KLHL32: variants seen among roughly 807,000 people sequenced by gnomAD.
KLHL32 encodes kelch-like protein 32.
A neutral mutation model predicts 64.8 loss-of-function variants in KLHL32; 35 were observed. The observed-to-expected ratio is 0.54, with a 90% CI of 0.41 to 0.72. KLHL32 has a LOEUF of 0.72. Among genes scored for constraint, KLHL32 ranks in the 30% least tolerant of loss-of-function variants. KLHL32 has a pLI of 0.00. For synonymous variants in KLHL32, 259 were observed against 281.0 expected, an observed-to-expected ratio of 0.92 and a Z score of 0.78; for missense variants, 589 against 768.5, an observed-to-expected ratio of 0.77 and a Z score of 2.76.
Position 97,127,423 on chromosome 6 carries a change from A to G in KLHL32, c.1374A>G (p.Ala458=), listed in dbSNP as rs1798987965. ...TTACAGGTGGAGTAACTAATACGGC[A>G]CAATATCAGAACAGGCTAATGGTGT... The part of the protein sequence containing the change: ...LWISGGVTNT[A]QYQNRLMVYE... The change falls in exon 8 of 11, where the codon GCA becomes GCG. Residue 458 remains alanine, a synonymous_variant. Transcript: ENST00000369261. The G allele has an allele frequency of 6.2e-7, 1 of 1,613,316 alleles. No individual in the cohort carries two copies. Among genetic ancestry groups the G allele is most frequent in the African/African-American group, 1.3e-5 (1 of 74,898 alleles).
At chr6:97,056,143 T>C (rs1787867039) in intron 4 of KLHL32, among the ~76,000 whole-genome samples, 1 of 145,652 alleles carries the variant, frequency 6.9e-6, no homozygotes. Context: ...TCTCGCTCTG[T>C]CACCCAGGCT....
chr6:97,062,872 G>A (rs1789136786), intron 4 of KLHL32, among the ~76,000 whole-genome samples: 2 of 152,184 alleles, frequency 1.3e-5, no homozygotes, highest in Non-Finnish European at 2.9e-5. Flanking sequence ...CTGTTCAGGG[G>A]TGGGTTACTG....
chr6:97,024,739 A>G (rs1244887327), intron 3 of KLHL32, among the ~76,000 whole-genome samples: 4 of 152,310 alleles, frequency 2.6e-5, no homozygotes, highest in Middle Eastern at 6.8e-3. Context: ...TCTTTTATTT[A>G]AACTGATTCA....
intron 3 of KLHL32, among the ~76,000 whole-genome samples, chr6:96,997,102 G>A (rs1396231628): frequency 6.6e-6 from 1 of 152,108 alleles, no homozygotes; most frequent in Non-Finnish European, 1.5e-5. Context: ...CTGACCAAAG[G>A]CTTGAGGTCT....
intron 6 of KLHL32, among the ~76,000 whole-genome samples, chr6:97,102,773 T>C (rs1795892913): frequency 6.6e-6 from 1 of 152,156 alleles, no homozygotes; most frequent in African/African-American, 2.4e-5. Context: ...TTTATTGTCC[T>C]GTAGGACATT....
chr6:96,898,722 G>T, the KLHL32 span, among the ~76,000 whole-genome samples: 2 of 151,712 alleles, frequency 1.3e-5, no homozygotes, highest in African/African-American at 2.4e-5. Flanking sequence ...ACAAAAAAAC[G>T]AGTGTTACAT....
chr6:97,065,944 G>T (rs1789669820), intron 5 of KLHL32, among the ~76,000 whole-genome samples: 1 of 152,086 alleles, frequency 6.6e-6, no homozygotes, highest in African/African-American at 2.4e-5. Flanking sequence ...GAATTCTTAT[G>T]ATTATTTGAG....
chr6:96,950,298 C>G (rs919404103), intron 1 of KLHL32, among the ~76,000 whole-genome samples: 3 of 151,526 alleles, frequency 2.0e-5, no homozygotes, highest in African/African-American at 7.3e-5. Context: ...AGTAAGTGTT[C>G]TAGGAACATA....
At chr6:97,061,414 G>T (rs1365490592) in intron 4 of KLHL32, among the ~76,000 whole-genome samples, 1 of 124,872 alleles carries the variant, frequency 8.0e-6, no homozygotes, top group Non-Finnish European at 1.6e-5. Context: ...TTGATCTCTT[G>T]TTATTAAGAC....
At chr6:97,134,583 A>T (rs1799788888) in intron 10 of KLHL32, among the ~76,000 whole-genome samples, 1 of 152,170 alleles carries the variant, frequency 6.6e-6, no homozygotes, top group Non-Finnish European at 1.5e-5. Flanking sequence ...GGGACCCTTC[A>T]TTTGATCACT....
intron 5 of KLHL32, among the ~76,000 whole-genome samples, chr6:97,082,538 G>A (rs1053998421): frequency 2.6e-5 from 4 of 151,872 alleles, no homozygotes; most frequent in East Asian, 1.9e-4. Flanking sequence ...GCATGAACCC[G>A]GGAGGCGGAG....
chr6:96,985,511 A>G (rs527897065), intron 3 of KLHL32, among the ~76,000 whole-genome samples: 1 of 152,186 alleles, frequency 6.6e-6, no homozygotes, highest in African/African-American at 2.4e-5. Context: ...AAGTATACCA[A>G]TCAGACGTAG....
intron 1 of KLHL32, among the ~76,000 whole-genome samples, chr6:96,957,217 G>A (rs779794640): frequency 6.6e-6 from 1 of 152,048 alleles, no homozygotes; most frequent in Non-Finnish European, 1.5e-5. Flanking sequence ...AAAAGTAAGA[G>A]CATTTCTCTA....
At chr6:96,990,727 T>C (rs1241911676) in intron 3 of KLHL32, among the ~76,000 whole-genome samples, 1 of 144,044 alleles carries the variant, frequency 6.9e-6, no homozygotes, top group Non-Finnish European at 1.5e-5. Context: ...GGCCCAGAGT[T>C]GGGCAGCTGT....
At chr6:97,034,324 C>T (rs574034290) in intron 3 of KLHL32, among the ~76,000 whole-genome samples, 3 of 152,076 alleles carry the variant, frequency 2.0e-5, no homozygotes, top group African/African-American at 7.2e-5. Flanking sequence ...ATCAGTTTAC[C>T]ATAGATGCAT....
chr6:96,973,695 C>CTTAAGCATAGATTG (rs1775356319), intron 2 of KLHL32, among the ~76,000 whole-genome samples: 1 of 145,630 alleles, frequency 6.9e-6, no homozygotes. Flanking sequence ...GTTTTTTCCC[C>CTTAAGCATAGATTG]TTAAGCATAG....
intron 3 of KLHL32, among the ~76,000 whole-genome samples, chr6:96,981,185 G>A (rs1776264073): frequency 6.6e-6 from 1 of 152,070 alleles, no homozygotes; most frequent in Admixed American, 6.5e-5. Context: ...ATTTGGGTGG[G>A]GATAAAGCCA....
rs562339030 is a variant in KLHL32 at position 97,070,506 on chromosome 6, A to G, written c.411+5780A>G. On this transcript the variant is annotated intron_variant, in intron 5 of 10. Coordinates refer to ENST00000369261, the MANE Select transcript of KLHL32 (RefSeq NM_052904.4). ...CTTTTATTCCCTAAGCCCACACTAA[A>G]GGATGTCAGGAAGCGACAGCCCAGA... 1.1e-4 allele frequency among the ~76,000 whole-genome samples: 16 copies of G among 152,274 alleles called. No homozygotes were observed. In the South Asian group the frequency reaches 3.3e-3, roughly 32 times the overall value.
At chr6:96,923,699 C>T (rs1348610323), upstream of KLHL32, among the ~76,000 whole-genome samples, 2 of 152,206 alleles carry the variant, frequency 1.3e-5, no homozygotes, top group African/African-American at 2.4e-5. Context: ...TGTGGCAGAA[C>T]ATAAACCTGC....
Sources: allele counts gnomAD v4.1 joint callset (sites outside exome capture counted in the v4.1 genomes callset), GRCh38; gene constraint gnomAD v4.1.1; transcripts MANE v1.5; gene names NCBI Gene and HGNC (gene_info 2026-07-23, HGNC 2026-07-21).